DBF4B: variants seen among roughly 807,000 people sequenced by gnomAD.
DBF4B encodes the protein DBF4B-CDC7 kinase regulatory subunit.
Under a neutral mutation model 53.4 loss-of-function variants are expected in DBF4B, and 49 were observed. The ratio of observed to expected loss-of-function variants is 0.92; its 90% CI spans 0.73 to 1.16. DBF4B has a LOEUF of 1.16. DBF4B is among the 50% of genes most tolerant of loss of function. The pLI is 0.00. For synonymous variants in DBF4B, 257 were observed against 288.7 expected (o/e 0.89, Z 1.11); for missense variants, 692 against 775.0 (o/e 0.89, Z 1.27).
At chr17:44,728,540 C>A (rs1160899622) in intron 3 of DBF4B, among the ~76,000 whole-genome samples, 1 of 152,188 alleles carries the variant, frequency 6.6e-6, no homozygotes, top group Non-Finnish European at 1.5e-5. Flanking sequence ...TAGATGCAGC[C>A]AGGCACGGTG....
intron 2 of DBF4B, 44 bp downstream of exon 2, chr17:44,709,410 C>CCA (rs1568152304): frequency 3.1e-6 from 5 of 1,609,170 alleles, no homozygotes; most frequent in Non-Finnish European, 4.3e-6. Flanking sequence ...GAAAATTGCC[C>CCA]CAGGGTCTCT....
intron 3 of DBF4B, among the ~76,000 whole-genome samples, chr17:44,726,820 T>C (rs1409274399): frequency 6.6e-6 from 1 of 152,086 alleles, no homozygotes; most frequent in African/African-American, 2.4e-5. Context: ...TTTTAGGGGC[T>C]AGGCACAGTG....
At chr17:44,732,390 C>T (rs955503093) in intron 6 of DBF4B, 125 bp downstream of exon 6, 1 of 1,001,164 alleles carries the variant, frequency 1.0e-6, no homozygotes, top group Non-Finnish European at 1.5e-6. Flanking sequence ...ACTCAGCTGC[C>T]ATGTTGATCC....
At chr17:44,726,834 C>G (rs1255937683) in intron 3 of DBF4B, among the ~76,000 whole-genome samples, 1 of 152,130 alleles carries the variant, frequency 6.6e-6, no homozygotes, top group African/African-American at 2.4e-5. Flanking sequence ...CACAGTGGCT[C>G]ACACTTGTAA....
At chr17:44,743,065 G>A (rs1352637772) in intron 10 of DBF4B, among the ~76,000 whole-genome samples, 1 of 152,208 alleles carries the variant, frequency 6.6e-6, no homozygotes, top group Non-Finnish European at 1.5e-5. Context: ...TGGGAGCAAA[G>A]AGAGAAAGAG....
rs866815096 is a variant in DBF4B, at chr17:44,751,925, C to T, written c.*672C>T. On this transcript the variant is annotated 3_prime_UTR_variant, in exon 14 of 14. Coordinates refer to ENST00000315005, the MANE Select transcript of DBF4B (RefSeq NM_145663.3). ...CCTTCCTCACCATTGCCCATTCCCTCGTTCGTTCATTCAGCACAGGCCTTG... is the reference window on the plus strand; with the variant it reads ...CCTTCCTCACCATTGCCCATTCCCTTGTTCGTTCATTCAGCACAGGCCTTG... The T allele has an allele frequency of 6.5e-6, 10 of 1,536,116 alleles. No individual in the cohort carries two copies. Among genetic ancestry groups the T allele is most frequent in the African/African-American group, 5.5e-5 (4 of 73,118 alleles).
intron 1 of DBF4B, 76 bp from the exon 2 acceptor site, chr17:44,709,228 G>T: frequency 6.3e-7 from 1 of 1,585,616 alleles, no homozygotes; most frequent in Admixed American, 1.7e-5. Context: ...CGTTTTGGGA[G>T]ACAGTAGTGG....
rs1344331856 is a variant in DBF4B at position 44,734,151 on chromosome 17, A to C, written c.618A>C (p.Pro206=). The C allele has an allele frequency of 3.7e-6, 6 of 1,614,206 alleles. No homozygotes were observed. The highest frequency in any genetic ancestry group is 5.1e-6 in the Non-Finnish European group (6 of 1,180,036). The change falls in exon 7 of 14, where the codon CCA becomes CCC. Residue 206 remains proline (P), a synonymous_variant. Transcript: ENST00000315005. ...LASLCVKKQQ[P]KKPEGTCPAA... is the part of the protein sequence containing the mutation. The stretch of plus-strand genomic sequence containing the variant: ...CTTTATGTGTGAAAAAACAACAGCC[A>C]AAGAAGCCAGAGGTAGGTCATCCTG...
At chr17:44,736,790 G>C in intron 7 of DBF4B, 40 bp from the exon 8 acceptor site, 6 of 1,613,206 alleles carry the variant, frequency 3.7e-6, no homozygotes, top group Non-Finnish European at 5.1e-6. Flanking sequence ...GACCCCCGTG[G>C]CTTCCTCACA....
chr17:44,712,964 T>C (rs1269156331), intron 2 of DBF4B, among the ~76,000 whole-genome samples: 1 of 151,854 alleles, frequency 6.6e-6, no homozygotes, highest in Non-Finnish European at 1.5e-5. Context: ...CAAACGCACA[T>C]GCATTTCCCA....
intron 3 of DBF4B, among the ~76,000 whole-genome samples, chr17:44,723,436 T>C (rs146562186): frequency 2.1e-3 from 312 of 150,796 alleles, no homozygotes; most frequent in African/African-American, 7.3e-3. Flanking sequence ...TCTCACTACA[T>C]TTCCGAAAGC....
rs1056363354 is a variant in DBF4B, at chr17:44,732,466, G to A, written c.556+201G>A. ...GACGCAGAGTGCAGGCTGTGGCCTC[G>A]GCATCCCGCAGGAGGTCCCTAGAAC... On this transcript the variant is annotated intron_variant, in intron 6 of 13. Transcript: ENST00000315005. 38 of 589,476 alleles carry A rather than the reference G, an allele frequency of 6.4e-5. No homozygotes were observed. In the East Asian group the frequency reaches 9.4e-4, roughly 15 times the overall value. The allele number at this position is 589,476 out of a possible 1,614,324, so 36.5% of individuals were successfully genotyped here.
chr17:44,710,460 C>T (rs1202619619), intron 2 of DBF4B, among the ~76,000 whole-genome samples: 1 of 152,088 alleles, frequency 6.6e-6, no homozygotes, highest in African/African-American at 2.4e-5. Flanking sequence ...GTATTTTCTC[C>T]TTGTTTTCTT....
intron 4 of DBF4B, 81 bp from the exon 5 acceptor site, chr17:44,730,884 C>G (rs1475527861): frequency 6.8e-7 from 1 of 1,460,940 alleles, no homozygotes; most frequent in African/African-American, 1.4e-5. Context: ...AAGACATAAC[C>G]CCTCACCAGC....
In DBF4B at chr17:44,749,189, C is replaced by A. The variant is rs1159347178; in HGVS notation, c.1189+724C>A. 6.7e-5 allele frequency: 86 copies of A among 1,289,758 alleles called. No homozygotes were observed. Among genetic ancestry groups the A allele is most frequent in the Non-Finnish European group, 8.3e-5 (82 of 988,882 alleles). 79.9% of individuals were successfully genotyped at this position (1,289,758 alleles called of 1,614,324 possible). On this transcript the variant is annotated intron_variant, in intron 13 of 13. Transcript: ENST00000315005. This position sits in a 1 kb window ranked among gnomAD's most constrained non-coding sequence, Gnocchi z 4.4. ...CAGCCCCTGCCAGCCAGTGCGGGAG[C>A]CAGCTGTTCCCGATGCCTCTGGGCC...
chr17:44,718,933 C>G (rs1461513639), intron 2 of DBF4B: 5 of 151,036 alleles, frequency 3.3e-5, no homozygotes, highest in African/African-American at 1.2e-4. Flanking sequence ...TGCACTCCAG[C>G]CTGGGTGACA....
Position 44,751,355 on chromosome 17 carries a change from T to G in DBF4B, c.*102T>G. 1.4e-6 allele frequency: 2 copies of G among 1,466,336 alleles called. 1 individual carries two copies. The highest frequency in any genetic ancestry group is 1.8e-6 in the Non-Finnish European group (2 of 1,113,846). 90.8% of individuals were successfully genotyped at this position (1,466,336 alleles called of 1,614,324 possible). On this transcript the variant is annotated 3_prime_UTR_variant, in exon 14 of 14. Coordinates refer to ENST00000315005, the MANE Select transcript of DBF4B (RefSeq NM_145663.3). ...TCCTTGGCGTGAGCACTGCTCAGAC[T>G]CCTTTCCACTCCAGCCCCCTTTCCA...
rs960151633 is a variant in DBF4B, at chr17:44,714,397, G to A, written c.82+5031G>A. Reference sequence around the variant, plus strand: ...CAATATTTGGCTTTCCTGAAATTCTGTATAAATTTAGACAAGACTATCTCA... The same window carrying A: ...CAATATTTGGCTTTCCTGAAATTCTATATAAATTTAGACAAGACTATCTCA... On this transcript the variant is annotated intron_variant, in intron 2 of 13. Transcript: ENST00000315005. 3.9e-5 allele frequency among the ~76,000 whole-genome samples: 6 copies of A among 152,112 alleles called. No homozygotes were observed. The East Asian group carries it at 1.2e-3, about 29-fold the overall frequency.
chr17:44,741,888 C>T (rs1187388166), intron 10 of DBF4B, among the ~76,000 whole-genome samples: 2 of 152,056 alleles, frequency 1.3e-5, no homozygotes, highest in East Asian at 3.9e-4. Flanking sequence ...GACAATAGAC[C>T]GCTTTCTCAA....
Sources: gnomAD v4.1 joint callset for allele counts (sites outside exome capture counted in the v4.1 genomes callset) on GRCh38, gnomAD v4.1.1 for gene constraint, Gnocchi (gnomAD v3.1) non-coding constraint, MANE v1.5 for transcripts, NCBI Gene and HGNC (gene_info 2026-07-23, HGNC 2026-07-21) for gene names.